Variants in GFM2 observed in about 807,000 individuals in gnomAD.
GFM2 encodes the protein ribosome-releasing factor 2, mitochondrial.
A neutral mutation model predicts 95.4 loss-of-function variants in GFM2; 72 were observed. That is an observed-to-expected ratio of 0.76 (90% CI 0.62 to 0.92). The LOEUF (loss-of-function observed/expected upper bound fraction) is 0.92, where lower values mean the gene tolerates loss of function less well. Among genes scored for constraint, GFM2 ranks in the 40% least tolerant of loss-of-function variants. The probability of loss-of-function intolerance (pLI) is 0.00; values close to 1 mark genes in which losing one functional copy is unlikely to be tolerated. For synonymous variants in GFM2, 276 were observed against 317.5 expected, an observed-to-expected ratio of 0.87 and a Z score of 1.39; for missense variants, 825 against 924.1, an observed-to-expected ratio of 0.89 and a Z score of 1.39.
intron 1 of GFM2, chr5:74,765,188 G>A: frequency 1.0e-6 from 1 of 989,804 alleles, no homozygotes; most frequent in East Asian, 9.1e-5. Flanking sequence ...TAACTCAGTG[G>A]TTGTCAATAA....
chr5:74,750,835 G>A (rs954120654), intron 6 of GFM2, among the ~76,000 whole-genome samples, 168 bp from the exon 7 acceptor site: 4 of 152,100 alleles, frequency 2.6e-5, no homozygotes, highest in African/African-American at 9.7e-5. Context: ...CTCCATAGCA[G>A]CACTGGTAGA....
intron 1 of GFM2, among the ~76,000 whole-genome samples, chr5:74,766,368 TG>T (rs1332623517): frequency 2.0e-5 from 3 of 152,234 alleles, no homozygotes; most frequent in Non-Finnish European, 1.5e-5. Context: ...TAAGAATTAA[TG>T]AAAGTATTCT....
intron 15 of GFM2, among the ~76,000 whole-genome samples, chr5:74,735,778 G>A (rs553153086): frequency 8.7e-4 from 132 of 152,226 alleles, no homozygotes; most frequent in Admixed American, 1.6e-3. Flanking sequence ...TTCTAATTTG[G>A]GTTAAAGAAG....
chr5:74,744,639 G>T (rs1743289313), intron 10 of GFM2, among the ~76,000 whole-genome samples: 1 of 152,100 alleles, frequency 6.6e-6, no homozygotes, highest in Admixed American at 6.6e-5. Context: ...AAAATTGATG[G>T]TTTTAAAATT....
intron 5 of GFM2, 121 bp from the exon 6 acceptor site, chr5:74,751,614 T>A: frequency 1.5e-6 from 1 of 666,114 alleles, no homozygotes; most frequent in Non-Finnish European, 2.5e-6. Context: ...ATATTTGGTT[T>A]AATAGAGCCT....
chr5:74,733,578 T>C (rs1414727487), intron 15 of GFM2, among the ~76,000 whole-genome samples: 1 of 152,032 alleles, frequency 6.6e-6, no homozygotes, highest in African/African-American at 2.4e-5. Context: ...GACTAGCAGC[T>C]AGAGATCAGT....
At chr5:74,747,906 C>A in intron 7 of GFM2, 126 bp from the exon 8 acceptor site, 1 of 577,498 alleles carries the variant, frequency 1.7e-6, no homozygotes. Flanking sequence ...AGAATTAGTG[C>A]AACTGCACTT....
At chr5:74,766,594 C>G (rs187630994) in intron 1 of GFM2, among the ~76,000 whole-genome samples, 1 of 152,290 alleles carries the variant, frequency 6.6e-6, no homozygotes, top group East Asian at 1.9e-4. Flanking sequence ...TCAGAAATTT[C>G]TGGAATCAGT....
intron 15 of GFM2, chr5:74,733,333 A>G: frequency 2.8e-6 from 1 of 358,562 alleles, no homozygotes; most frequent in Non-Finnish European, 5.0e-6. Flanking sequence ...TTTACAAAAA[A>G]AGAAAAAAAA....
intron 1 of GFM2, among the ~76,000 whole-genome samples, chr5:74,766,123 C>A (rs1228999646): frequency 6.6e-6 from 1 of 152,120 alleles, no homozygotes; most frequent in Non-Finnish European, 1.5e-5. Context: ...CTGGGCAACA[C>A]GGTGAAACCT....
chr5:74,726,262 T>G, intron 17 of GFM2, 136 bp from the exon 18 acceptor site: 1 of 589,880 alleles, frequency 1.7e-6, no homozygotes, highest in South Asian at 2.3e-5. Flanking sequence ...ACAATGGCAC[T>G]AAATACAGTA....
intron 19 of GFM2, among the ~76,000 whole-genome samples, chr5:74,724,085 G>C (rs1396599646): frequency 6.6e-6 from 1 of 152,108 alleles, no homozygotes; most frequent in Non-Finnish European, 1.5e-5. Flanking sequence ...ACTTCCATTA[G>C]GAGTGTTTTG....
Position 74,763,678 on chromosome 5 carries a change from A to C in GFM2, c.63+2T>G, listed in dbSNP as rs1744397133. 1 of 1,541,108 alleles carries C rather than the reference A, an allele frequency of 6.5e-7. No homozygotes were observed. On this transcript the variant is annotated splice_donor_variant, in intron 2 of 20. Coordinates refer to ENST00000296805, the MANE Select transcript of GFM2 (RefSeq NM_032380.5). LOFTEE classifies it high-confidence loss of function. ...ACACTTAATTTTATAAGAAATGCTT[A>C]CATTAATATACACACTGGGTATTGT...
At chr5:74,725,903 G>C (rs746574696) in intron 18 of GFM2, 38 bp downstream of exon 18, 35 of 1,562,644 alleles carry the variant, frequency 2.2e-5, no homozygotes. Context: ...AAATGGTTGA[G>C]TGGGATACTA....
Position 74,733,079 on chromosome 5 carries a change from T to A in GFM2, c.1530A>T (p.Lys510Asn). 6.2e-7 allele frequency: 1 copy of A among 1,611,570 alleles called. No homozygotes were observed. Among genetic ancestry groups the A allele is most frequent in the Non-Finnish European group, 8.5e-7 (1 of 1,177,808 alleles). The part of the protein sequence containing the change: ...SKQPDLEHAL[K>N]CLQREDPSLK... ...AACTGGGATCTTCACGCTGAAGACA[T>A]TTCAACGCATGTTCCAAATCTATGG... The change falls in exon 16 of 21, where the codon AAA becomes AAT. Residue 510 changes from lysine to asparagine, a missense_variant. Transcript: ENST00000296805.
intron 10 of GFM2, 112 bp downstream of exon 10, chr5:74,745,566 G>C (rs572680809): frequency 1.6e-4 from 118 of 727,706 alleles, no homozygotes; most frequent in Non-Finnish European, 2.4e-4. Flanking sequence ...TGCAGATTTT[G>C]GTATCCACAG....
intron 8 of GFM2, 57 bp from the exon 9 acceptor site, chr5:74,746,222 G>T (rs578244559): frequency 2.1e-6 from 2 of 963,528 alleles, no homozygotes. Flanking sequence ...TTTACCAAAG[G>T]TATCAAGAGA....
At chr5:74,755,890 G>T (rs949942424) in intron 5 of GFM2, among the ~76,000 whole-genome samples, 1 of 151,928 alleles carries the variant, frequency 6.6e-6, no homozygotes, top group Non-Finnish European at 1.5e-5. Flanking sequence ...CCAAAAGCAG[G>T]AAAAGACACA....
At chr5:74,748,084 TAACTG>T (rs1743481126) in intron 7 of GFM2, among the ~76,000 whole-genome samples, 1 of 152,172 alleles carries the variant, frequency 6.6e-6, no homozygotes, top group African/African-American at 2.4e-5. Context: ...AAAGTGAACT[TAACTG>T]AGAATCAGGA....
Sources: allele counts gnomAD v4.1 joint callset (sites outside exome capture counted in the v4.1 genomes callset), GRCh38; gene constraint gnomAD v4.1.1; transcripts MANE v1.5; gene names NCBI Gene and HGNC (gene_info 2026-07-23, HGNC 2026-07-21).